PHF24: variants seen among roughly 807,000 people sequenced by gnomAD.
PHF24 encodes the protein Galpha inhibitory interacting protein.
PHF24 carries 25 observed loss-of-function variants against 42.6 expected under a neutral mutation model. The ratio of observed to expected loss-of-function variants is 0.59; its 90% CI spans 0.43 to 0.82. The LOEUF (loss-of-function observed/expected upper bound fraction) is 0.82. Among genes scored for constraint, PHF24 ranks in the 40% least tolerant of loss-of-function variants. PHF24 has a pLI of 0.00. For synonymous variants in PHF24, 185 were observed against 204.8 expected, an observed-to-expected ratio of 0.90 and a Z score of 0.83; for missense variants, 470 against 538.1, an observed-to-expected ratio of 0.87 and a Z score of 1.25.
At chr9:34,842,499 C>T in the PHF24 span, among the ~76,000 whole-genome samples, 1 of 152,180 alleles carries the variant, frequency 6.6e-6, no homozygotes, top group Non-Finnish European at 1.5e-5. Context: ...CATAAAACCT[C>T]TGCCCTCATG....
At chr9:34,932,984 CTTT>C in the PHF24 span, among the ~76,000 whole-genome samples, 1,093 of 121,422 alleles carry the variant, frequency 9.0e-3, 7 homozygotes, top group Middle Eastern at 0.032. Flanking sequence ...AGCAGGAACT[CTTT>C]TTTTTTTTTT....
chr9:34,866,618 A>C, the PHF24 span, among the ~76,000 whole-genome samples: 1 of 152,182 alleles, frequency 6.6e-6, no homozygotes, highest in Non-Finnish European at 1.5e-5. Flanking sequence ...ATCAACCCTA[A>C]TAAGACTCTA....
At chr9:34,825,664 T>C in the PHF24 span, among the ~76,000 whole-genome samples, 12 of 150,110 alleles carry the variant, frequency 8.0e-5, no homozygotes, top group African/African-American at 3.0e-4. Flanking sequence ...AGTTCATGAG[T>C]CCAAGAACAC....
chr9:34,981,308 G>A (rs1480077901), exon 8 of PHF24: 1 of 152,206 alleles, frequency 6.6e-6, no homozygotes, highest in Non-Finnish European at 1.5e-5. Flanking sequence ...CCTTATTCCT[G>A]TCACCATTAT....
chr9:34,690,355 A>G, the PHF24 span: 1 of 1,610,048 alleles, frequency 6.2e-7, no homozygotes, highest in Non-Finnish European at 8.5e-7. Flanking sequence ...GGGATGGGGA[A>G]AGAAGGTGAC....
the PHF24 span, among the ~76,000 whole-genome samples, chr9:34,673,759 C>T: frequency 6.6e-6 from 1 of 152,034 alleles, no homozygotes; most frequent in Admixed American, 6.5e-5. Context: ...GTAGTTGGGA[C>T]TACAGGCACC....
At chr9:34,966,798 C>G (rs1344494757) in intron 1 of PHF24, among the ~76,000 whole-genome samples, 1 of 152,104 alleles carries the variant, frequency 6.6e-6, no homozygotes, top group South Asian at 2.1e-4. Flanking sequence ...AACTCCTGGT[C>G]TCAAGCAATC....
At chr9:34,884,110 C>T in the PHF24 span, among the ~76,000 whole-genome samples, 1 of 152,084 alleles carries the variant, frequency 6.6e-6, no homozygotes. Flanking sequence ...AAAACTATCA[C>T]GAGGACAGAA....
chr9:34,917,067 C>T, the PHF24 span: 12 of 680,328 alleles, frequency 1.8e-5, no homozygotes, highest in South Asian at 1.1e-4. Context: ...GGGTGAAGAG[C>T]GGAGCGTGTG....
chr9:34,776,581 C>A, the PHF24 span, among the ~76,000 whole-genome samples: 2 of 152,172 alleles, frequency 1.3e-5, no homozygotes, highest in African/African-American at 4.8e-5. Context: ...GCAAATTTCT[C>A]ATTCATATCC....
chr9:34,717,009 G>A, the PHF24 span, among the ~76,000 whole-genome samples: 1 of 152,152 alleles, frequency 6.6e-6, no homozygotes, highest in Non-Finnish European at 1.5e-5. Flanking sequence ...TGTTTTCCAG[G>A]ACCTCCACAG....
At chr9:34,925,012 G>C in the PHF24 span, among the ~76,000 whole-genome samples, 1 of 152,028 alleles carries the variant, frequency 6.6e-6, no homozygotes, top group Admixed American at 6.5e-5. Flanking sequence ...CCAGATGTAG[G>C]ACTCCCTTGA....
At chr9:34,690,424 CTGTGTGTGTGTGTGTG>C in the PHF24 span, 133 of 608,694 alleles carry the variant, frequency 2.2e-4, no homozygotes, top group African/African-American at 5.0e-4. Context: ...TTGAGGACAC[CTGTGTGTGTGTGTGTG>C]TGTGTGTGTG....
the PHF24 span, among the ~76,000 whole-genome samples, chr9:34,929,053 C>A: frequency 6.6e-6 from 1 of 152,162 alleles, no homozygotes; most frequent in African/African-American, 2.4e-5. Context: ...ACTCTTCCCT[C>A]CCCCACCTCC....
the PHF24 span, among the ~76,000 whole-genome samples, chr9:34,904,954 T>C: frequency 6.6e-6 from 1 of 151,734 alleles, no homozygotes; most frequent in Admixed American, 6.6e-5. Context: ...CTGAGTAGCC[T>C]AGAACTTGCA....
chr9:34,721,598 A>G, the PHF24 span, among the ~76,000 whole-genome samples: 1 of 152,048 alleles, frequency 6.6e-6, no homozygotes, highest in South Asian at 2.1e-4. Context: ...TTTACTAGAG[A>G]CAGAGTTTCA....
At chr9:34,896,573 C>T in the PHF24 span, among the ~76,000 whole-genome samples, 1 of 152,166 alleles carries the variant, frequency 6.6e-6, no homozygotes, top group Non-Finnish European at 1.5e-5. Flanking sequence ...ATTGGCAAAA[C>T]TTTCGATTAA....
the PHF24 span, chr9:34,723,793 A>G: frequency 6.4e-7 from 1 of 1,551,742 alleles, no homozygotes; most frequent in Middle Eastern, 1.7e-4. Flanking sequence ...TCGCTGGTTC[A>G]AGGATGACAG....
At chr9:34,668,393 A>G in the PHF24 span, among the ~76,000 whole-genome samples, 3 of 152,286 alleles carry the variant, frequency 2.0e-5, no homozygotes, top group South Asian at 2.1e-4. Context: ...GGTGCACACA[A>G]AGGGCATAGG....
Sources: allele counts gnomAD v4.1 joint callset (sites outside exome capture counted in the v4.1 genomes callset), GRCh38; gene constraint gnomAD v4.1.1; transcripts MANE v1.5; gene names NCBI Gene and HGNC (gene_info 2026-07-23, HGNC 2026-07-21).